CCSER1: variants seen among roughly 807,000 people sequenced by gnomAD.
The protein encoded by CCSER1 is serine-rich coiled-coil domain-containing protein 1.
A neutral mutation model predicts 82.0 loss-of-function variants in CCSER1; 41 were observed. The observed-to-expected ratio is 0.50, with a 90% confidence interval of 0.39 to 0.65. The LOEUF (loss-of-function observed/expected upper bound fraction) is 0.65, where lower values mean the gene tolerates loss of function less well. Ranked by LOEUF, CCSER1 falls within the 30% of genes least tolerant of loss-of-function variation. CCSER1 has a pLI of 0.00. For synonymous variants in CCSER1, 414 were observed against 383.9 expected (o/e 1.08, Z -0.92); for missense variants, 1,119 against 1,064.2 (o/e 1.05, Z -0.72).
At chr4:90,471,138 T>C (rs1399761583) in intron 5 of CCSER1, among the ~76,000 whole-genome samples, 3 of 152,210 alleles carry the variant, frequency 2.0e-5, no homozygotes, top group African/African-American at 7.2e-5. Flanking sequence ...CATGTATCTT[T>C]ATTTCTTATT....
At chr4:90,809,276 C>T (rs1346678023) in intron 7 of CCSER1, among the ~76,000 whole-genome samples, 1 of 150,582 alleles carries the variant, frequency 6.6e-6, no homozygotes, top group Non-Finnish European at 1.5e-5. Context: ...GCTGATCATA[C>T]TACTGTACTC....
intron 8 of CCSER1, among the ~76,000 whole-genome samples, chr4:90,823,357 T>C (rs1203154545): frequency 6.6e-6 from 1 of 152,168 alleles, no homozygotes; most frequent in Non-Finnish European, 1.5e-5. Flanking sequence ...ATTTCAGTTA[T>C]GGAGCTGAAA....
intron 10 of CCSER1, among the ~76,000 whole-genome samples, chr4:91,286,106 A>G (rs572225606): frequency 1.3e-5 from 2 of 151,834 alleles, no homozygotes; most frequent in South Asian, 2.1e-4. Context: ...TATTTCAAAA[A>G]TATAATCAGT....
At chr4:91,200,556 A>G (rs1219364856) in intron 10 of CCSER1, among the ~76,000 whole-genome samples, 1 of 152,212 alleles carries the variant, frequency 6.6e-6, no homozygotes, top group East Asian at 1.9e-4. Context: ...TAGAGTTTTA[A>G]TTAAAAATTG....
chr4:91,151,955 T>C (rs74344307), intron 10 of CCSER1, among the ~76,000 whole-genome samples: 20,649 of 152,128 alleles, frequency 0.14, 1,625 homozygotes, highest in East Asian at 0.23. Flanking sequence ...ATTCTGTTGA[T>C]TTGGGATGGA....
intron 9 of CCSER1, among the ~76,000 whole-genome samples, chr4:90,961,140 T>G (rs1041377019): frequency 6.6e-6 from 1 of 152,186 alleles, no homozygotes; most frequent in African/African-American, 2.4e-5. Flanking sequence ...GTTCTTTGTG[T>G]TATATTCCCA....
intron 9 of CCSER1, among the ~76,000 whole-genome samples, chr4:91,034,806 T>G (rs1479723361): frequency 2.0e-5 from 3 of 152,152 alleles, no homozygotes; most frequent in Admixed American, 2.0e-4. Context: ...CTTATTATTT[T>G]TTGTGTCTTT....
At chr4:91,495,276 T>TG (rs1758740083) in intron 10 of CCSER1, among the ~76,000 whole-genome samples, 1 of 151,698 alleles carries the variant, frequency 6.6e-6, no homozygotes, top group South Asian at 2.1e-4. Flanking sequence ...ACTATACATG[T>TG]TTTCTGTATA....
At chr4:90,143,893 T>TCA (rs1725299912) in intron 1 of CCSER1, among the ~76,000 whole-genome samples, 3 of 151,984 alleles carry the variant, frequency 2.0e-5, no homozygotes, top group African/African-American at 7.2e-5. Flanking sequence ...TCTCCTTATG[T>TCA]TACTTAGGTT....
intron 5 of CCSER1, among the ~76,000 whole-genome samples, chr4:90,607,112 T>C (rs1053160591): frequency 6.6e-6 from 1 of 152,182 alleles, no homozygotes; most frequent in Non-Finnish European, 1.5e-5. Flanking sequence ...GTTATGTATT[T>C]AGTTATGGAT....
At chr4:90,916,261 C>G (rs1278553385) in intron 8 of CCSER1, among the ~76,000 whole-genome samples, 1 of 152,164 alleles carries the variant, frequency 6.6e-6, no homozygotes, top group African/African-American at 2.4e-5. Flanking sequence ...CTGACTTAAA[C>G]TATACTACAA....
intron 1 of CCSER1, among the ~76,000 whole-genome samples, chr4:90,270,610 C>T (rs1450433994): frequency 2.0e-5 from 3 of 152,002 alleles, no homozygotes; most frequent in Admixed American, 2.0e-4. Context: ...ACTTTCACCA[C>T]TATTATTCAA....
chr4:90,551,666 T>G (rs1281095060), intron 5 of CCSER1, among the ~76,000 whole-genome samples: 2 of 123,302 alleles, frequency 1.6e-5, no homozygotes, highest in Non-Finnish European at 3.5e-5. Context: ...AATACTTCAT[T>G]AAAAAATATA....
chr4:90,778,338 G>T (rs899896720), intron 7 of CCSER1, among the ~76,000 whole-genome samples: 4 of 152,094 alleles, frequency 2.6e-5, no homozygotes, highest in Admixed American at 2.6e-4. Context: ...GAAAGAAATG[G>T]AATTCAAGCA....
At chr4:91,129,645 C>T (rs1399202164) in intron 10 of CCSER1, among the ~76,000 whole-genome samples, 1 of 151,822 alleles carries the variant, frequency 6.6e-6, no homozygotes, top group Non-Finnish European at 1.5e-5. Flanking sequence ...TGAAACACAG[C>T]CATTACCAAA....
chr4:91,081,312 T>C (rs1722707287), intron 9 of CCSER1, among the ~76,000 whole-genome samples: 1 of 152,116 alleles, frequency 6.6e-6, no homozygotes, highest in Non-Finnish European at 1.5e-5. Flanking sequence ...AAAAACCACA[T>C]GATTATCTCA....
At chr4:91,012,195 G>T (rs62309836) in intron 9 of CCSER1, among the ~76,000 whole-genome samples, 4,818 of 134,686 alleles carry the variant, frequency 0.036, 1,003 homozygotes, top group Non-Finnish European at 0.047. Flanking sequence ...CAGAGGTACA[G>T]TACAGCTTTA....
At chr4:91,096,413 G>A (rs1581543830) in intron 10 of CCSER1, among the ~76,000 whole-genome samples, 1 of 152,164 alleles carries the variant, frequency 6.6e-6, no homozygotes, top group Admixed American at 6.5e-5. Context: ...GGTGGAGTGA[G>A]AACTTTCCTT....
chr4:91,522,273 T>A (rs1440329401), intron 10 of CCSER1, among the ~76,000 whole-genome samples: 1 of 152,244 alleles, frequency 6.6e-6, no homozygotes, highest in Non-Finnish European at 1.5e-5. Flanking sequence ...GCTGTTTTAG[T>A]TACTGTAGCC....
Sources: allele counts gnomAD v4.1 joint callset (sites outside exome capture counted in the v4.1 genomes callset), GRCh38; gene constraint gnomAD v4.1.1; transcripts MANE v1.5; gene names NCBI Gene and HGNC (gene_info 2026-07-23, HGNC 2026-07-21).